The following PTPRK variants were observed in gnomAD, a reference collection of about 807,000 sequenced individuals.
PTPRK encodes protein tyrosine phosphatase receptor type K.
Under a neutral mutation model 178.0 loss-of-function variants are expected in PTPRK, and 75 were observed. The ratio of observed to expected loss-of-function variants is 0.42; its 90% CI spans 0.35 to 0.51. PTPRK has a LOEUF of 0.51. PTPRK is among the 20% of genes least tolerant of loss of function. PTPRK has a pLI of 0.02. For synonymous variants in PTPRK, 637 were observed against 620.6 expected, an observed-to-expected ratio of 1.03 and a Z score of -0.39; for missense variants, 1,441 against 1,797.8, an observed-to-expected ratio of 0.80 and a Z score of 3.59.
At chr6:128,308,574 A>G (rs1562256594) in intron 3 of PTPRK, among the ~76,000 whole-genome samples, 2 of 152,322 alleles carry the variant, frequency 1.3e-5, no homozygotes, top group African/African-American at 2.4e-5. Flanking sequence ...GGAGAGTCCA[A>G]TAATCTCAAA....
intron 13 of PTPRK, among the ~76,000 whole-genome samples, chr6:128,040,462 A>T: frequency 6.6e-6 from 1 of 152,032 alleles, no homozygotes; most frequent in South Asian, 2.1e-4. Flanking sequence ...GGTATACAAG[A>T]ACCAGGAAGT....
In PTPRK at chr6:128,117,438, C is replaced by T. The variant is rs578077672; in HGVS notation, c.1163-27446G>A. On this transcript the variant is annotated intron_variant, in intron 7 of 29. Coordinates refer to ENST00000368226, the MANE Select transcript of PTPRK (RefSeq NM_002844.4). ...CCGCAAGGAGTATAACATTTACAAT[C>T]GCACGACATAAACTTTAGAAGAATC... Among the ~76,000 whole-genome samples the T allele has an allele frequency of 6.6e-5, 10 of 152,230 alleles. No individual in the cohort carries two copies. The East Asian group carries it at 1.2e-3, about 18-fold the overall frequency.
intron 13 of PTPRK, among the ~76,000 whole-genome samples, chr6:128,061,763 G>C (rs1227290542): frequency 6.6e-6 from 1 of 152,114 alleles, no homozygotes. Context: ...CTAGCAAGGT[G>C]AGCCTTTCAA....
chr6:128,500,142 C>A (rs1855323971), intron 1 of PTPRK, among the ~76,000 whole-genome samples: 1 of 152,180 alleles, frequency 6.6e-6, no homozygotes, highest in Admixed American at 6.5e-5. Flanking sequence ...GATGCAGAGG[C>A]AGGTAAAATC....
chr6:128,346,792 G>A lies in PTPRK; in HGVS notation c.224-24482C>T, dbSNP rs188810263. On this transcript the variant is annotated intron_variant, in intron 2 of 29. Coordinates refer to ENST00000368226, the MANE Select transcript of PTPRK (RefSeq NM_002844.4). The stretch of plus-strand genomic sequence containing the variant: ...ATACAGCCTGCCTCATAGGATTACC[G>A]TGAGGAATATATTGGAAAACATCAG... Among the ~76,000 whole-genome samples the A allele has an allele frequency of 2.5e-4, 38 of 152,156 alleles. 1 individual carries two copies. Among genetic ancestry groups the A allele is most frequent in the Non-Finnish European group, 4.7e-4 (32 of 67,956 alleles).
chr6:128,271,943 G>GTAA (rs140941649), intron 3 of PTPRK, among the ~76,000 whole-genome samples: 6,589 of 152,010 alleles, frequency 0.043, 471 homozygotes, highest in African/African-American at 0.15. Context: ...CGTTAATATA[G>GTAA]TAATTCAGTT....
At chr6:128,195,592 T>G (rs912817576) in intron 6 of PTPRK, among the ~76,000 whole-genome samples, 3 of 152,156 alleles carry the variant, frequency 2.0e-5, no homozygotes, top group African/African-American at 7.2e-5. Flanking sequence ...TATCCCTGTA[T>G]GTACAACTAA....
chr6:128,376,941 T>G lies in PTPRK; in HGVS notation c.223+20625A>C, dbSNP rs981386513. On this transcript the variant is annotated intron_variant, in intron 2 of 29. Coordinates refer to ENST00000368226, the MANE Select transcript of PTPRK (RefSeq NM_002844.4). Reference sequence around the variant, plus strand: ...ATCTGAGACCACTTCAGTCTGGATTTCATTGTCGATATCATTATCAGCATT... The same window carrying G: ...ATCTGAGACCACTTCAGTCTGGATTGCATTGTCGATATCATTATCAGCATT... Among the ~76,000 whole-genome samples, 7 of 152,206 alleles carry G rather than the reference T, an allele frequency of 4.6e-5. No individual in the cohort carries two copies. In the South Asian group the frequency reaches 8.3e-4, roughly 18 times the overall value.
chr6:128,477,750 A>G (rs1378180976), intron 1 of PTPRK, among the ~76,000 whole-genome samples: 1 of 152,180 alleles, frequency 6.6e-6, no homozygotes, highest in Non-Finnish European at 1.5e-5. Context: ...ATGTAGAGAG[A>G]AAACATTCAA....
At chr6:128,174,018 G>A (rs1399363621) in intron 7 of PTPRK, among the ~76,000 whole-genome samples, 1 of 151,882 alleles carries the variant, frequency 6.6e-6, no homozygotes, top group Non-Finnish European at 1.5e-5. Flanking sequence ...AAGATGTAAA[G>A]GTAGATCAAC....
intron 24 of PTPRK, among the ~76,000 whole-genome samples, 167 bp downstream of exon 24, chr6:127,982,664 C>T (rs1342754532): frequency 6.6e-6 from 1 of 152,058 alleles, no homozygotes; most frequent in African/African-American, 2.4e-5. Context: ...ATAAATTCAT[C>T]AATAGAAAAG....
rs549421461 is a variant in PTPRK, at chr6:128,365,488, A to G, written c.223+32078T>C. Among the ~76,000 whole-genome samples the G allele has an allele frequency of 2.3e-3, 347 of 152,282 alleles. 2 individuals are homozygous for G. Among genetic ancestry groups the G allele is most frequent in the Middle Eastern group, 6.8e-3 (2 of 294 alleles). The stretch of plus-strand genomic sequence containing the variant: ...TCCAGAGAATAAAAACTTAGATTAT[A>G]AAATGCCTTCTGAAGTCTTTTATAA... On this transcript the variant is annotated intron_variant, in intron 2 of 29. Coordinates refer to ENST00000368226, the MANE Select transcript of PTPRK (RefSeq NM_002844.4).
chr6:128,510,651 T>G (rs1857038805), intron 1 of PTPRK, among the ~76,000 whole-genome samples: 1 of 152,182 alleles, frequency 6.6e-6, no homozygotes, highest in South Asian at 2.1e-4. Flanking sequence ...GTATAAATTC[T>G]GTCATGATAT....
chr6:127,973,121 T>G lies in PTPRK; in HGVS notation c.4170A>C (p.Ile1390=). 6.2e-7 allele frequency: 1 copy of G among 1,613,942 alleles called. No individual in the cohort carries two copies. Among genetic ancestry groups the G allele is most frequent in the Non-Finnish European group, 8.5e-7 (1 of 1,179,916 alleles). Residue 1390 remains isoleucine (I), a synonymous_variant, in exon 29 of 30, where the codon ATA becomes ATC. Coordinates refer to ENST00000368226, the MANE Select transcript of PTPRK (RefSeq NM_002844.4). ...GTTTCACCATTTCAACAACGATGCC[T>G]ATAGCACAGAACATGCCACTTCGCC... ...GGGRSGMFCA[I]GIVVEMVKRQ... is the part of the protein sequence containing the mutation.
chr6:128,082,469 G>C lies in PTPRK; in HGVS notation c.1745C>G (p.Ala582Gly). 1 of 1,612,866 alleles carries C rather than the reference G, an allele frequency of 6.2e-7. No individual in the cohort carries two copies. The highest frequency in any genetic ancestry group is 8.5e-7 in the Non-Finnish European group (1 of 1,179,052). ...ATTGGTGGTGACATTGATGGCTGTG[G>C]CTGGACCAAAGCCTTTGACCGTGCT... ...RASTVKGFGP[A>G]TAINVTTNIS... Residue 582 changes from alanine (A) to glycine (G), a missense_variant, in exon 10 of 30, where the codon GCC becomes GGC. By Grantham distance (60) the Ala-to-Gly change is moderately conservative (BLOSUM62 0). Transcript: ENST00000368226.
At chr6:128,349,259 A>G (rs1168441043) in intron 2 of PTPRK, among the ~76,000 whole-genome samples, 1 of 152,126 alleles carries the variant, frequency 6.6e-6, no homozygotes, top group Non-Finnish European at 1.5e-5. Flanking sequence ...CATTTAATCA[A>G]GTGTAAGCAG....
intron 2 of PTPRK, among the ~76,000 whole-genome samples, chr6:128,351,845 G>C (rs1237039299): frequency 6.6e-6 from 1 of 152,136 alleles, no homozygotes; most frequent in Non-Finnish European, 1.5e-5. Context: ...TGTTGAAAGA[G>C]GGAATCAGAT....
chr6:128,393,479 T>C (rs1192354871), intron 2 of PTPRK, among the ~76,000 whole-genome samples: 2 of 152,168 alleles, frequency 1.3e-5, no homozygotes, highest in African/African-American at 2.4e-5. Context: ...CATAGTACAG[T>C]GGGCCGCATC....
At chr6:128,106,048 T>C (rs1251078501) in intron 7 of PTPRK, among the ~76,000 whole-genome samples, 16 of 152,226 alleles carry the variant, frequency 1.1e-4, no homozygotes, top group Non-Finnish European at 2.4e-4. Flanking sequence ...ACAGGTAACT[T>C]AGTGCAAGTT....
Sources: allele counts gnomAD v4.1 joint callset (sites outside exome capture counted in the v4.1 genomes callset), GRCh38; gene constraint gnomAD v4.1.1; transcripts MANE v1.5; gene names NCBI Gene and HGNC (gene_info 2026-07-23, HGNC 2026-07-21).